PAX5: variants seen among roughly 807,000 people sequenced by gnomAD.
PAX5 encodes the protein paired box protein Pax-5.
PAX5 carries 9 observed loss-of-function variants against 43.7 expected under a neutral mutation model. The observed-to-expected ratio is 0.21, with a 90% CI of 0.12 to 0.36. The LOEUF (loss-of-function observed/expected upper bound fraction) is 0.36, where lower values mean the gene tolerates loss of function less well. Ranked by LOEUF, PAX5 falls within the 10% of genes least tolerant of loss-of-function variation. The pLI is 1.00. For synonymous variants in PAX5, 228 were observed against 214.3 expected (o/e 1.06, Z -0.56); for missense variants, 383 against 532.7 (o/e 0.72, Z 2.77).
At chr9:36,898,209 C>T (rs1389729147) in intron 7 of PAX5, among the ~76,000 whole-genome samples, 5 of 152,198 alleles carry the variant, frequency 3.3e-5, no homozygotes, top group Non-Finnish European at 7.4e-5. Context: ...ACGTGTAATC[C>T]AACTCAGCAC....
chr9:37,014,249 A>G (rs966737407), intron 3 of PAX5, among the ~76,000 whole-genome samples: 6 of 152,206 alleles, frequency 3.9e-5, no homozygotes, highest in Non-Finnish European at 1.5e-5. Context: ...ACTGGAAAGG[A>G]AAGGGAGCTG....
Position 36,834,959 on chromosome 9 carries a change from G to A in PAX5, c.*5601C>T, listed in dbSNP as rs374682363. ...TCACCCCCACCCTGCTGTTTCACCT[G>A]CTTCCCTCCCTGGGCCCCGATCAGC... On this transcript the variant is annotated 3_prime_UTR_variant, in exon 10 of 10. Transcript: ENST00000358127. 8.6e-6 allele frequency: 2 copies of A among 232,696 alleles called. No homozygotes were observed. Among genetic ancestry groups the A allele is most frequent in the Non-Finnish European group, 1.7e-5 (2 of 117,718 alleles). The allele number at this position is 232,696 out of a possible 1,614,324, so 14.4% of individuals were successfully genotyped here.
At chr9:37,021,579 G>T (rs1027171437) in intron 1 of PAX5, among the ~76,000 whole-genome samples, 1 of 152,088 alleles carries the variant, frequency 6.6e-6, no homozygotes, top group African/African-American at 2.4e-5. Context: ...TTTGGTCCAG[G>T]GAAAATAAAG....
rs555840011 is a variant in PAX5 at position 36,960,538 on chromosome 9, A to T, written c.780+6011T>A. The stretch of plus-strand genomic sequence containing the variant: ...TGGTGGGAAACCATGAGGAACTCTT[A>T]TAGGAGGTAGGCTTCAAGAAGAAAG... On this transcript the variant is annotated intron_variant, in intron 6 of 9. Coordinates refer to ENST00000358127, the MANE Select transcript of PAX5 (RefSeq NM_016734.3). 4.6e-5 allele frequency among the ~76,000 whole-genome samples: 7 copies of T among 152,314 alleles called. No individual in the cohort carries two copies. The East Asian group carries it at 1.2e-3, about 25-fold the overall frequency.
At chr9:36,845,951 C>T (rs1335763126) in intron 9 of PAX5, among the ~76,000 whole-genome samples, 1 of 152,176 alleles carries the variant, frequency 6.6e-6, no homozygotes, top group Non-Finnish European at 1.5e-5. Context: ...CATGTCTGAC[C>T]TTTTACTGCT....
chr9:36,941,682 TC>T (rs1003899393), intron 6 of PAX5, among the ~76,000 whole-genome samples: 3 of 151,380 alleles, frequency 2.0e-5, no homozygotes, highest in African/African-American at 7.3e-5. Flanking sequence ...TGTACCCACC[TC>T]AAGGCAATGC....
At chr9:36,939,844 C>T (rs1017764121) in intron 6 of PAX5, among the ~76,000 whole-genome samples, 47 of 152,264 alleles carry the variant, frequency 3.1e-4, no homozygotes, top group Admixed American at 2.5e-3. Flanking sequence ...CGCTCGCGTG[C>T]GGGTGCACGC....
intron 6 of PAX5, among the ~76,000 whole-genome samples, chr9:36,932,907 G>A (rs989702711): frequency 6.6e-6 from 1 of 151,972 alleles, no homozygotes; most frequent in African/African-American, 2.4e-5. Flanking sequence ...TGTAATTCCA[G>A]CACTTTGGGA....
At chr9:37,006,093 G>GA (rs1379738535) in intron 4 of PAX5, among the ~76,000 whole-genome samples, 1 of 152,040 alleles carries the variant, frequency 6.6e-6, no homozygotes, top group Non-Finnish European at 1.5e-5. Flanking sequence ...GTTGATAGAA[G>GA]AAAAAAACAC....
At chr9:36,957,023 C>CG (rs1554671736) in intron 6 of PAX5, among the ~76,000 whole-genome samples, 2 of 151,516 alleles carry the variant, frequency 1.3e-5, no homozygotes, top group African/African-American at 2.4e-5. Context: ...CCTTGTCCCC[C>CG]CCACTTCCAC....
chr9:36,993,051 T>C (rs2132337187), intron 5 of PAX5, among the ~76,000 whole-genome samples: 1 of 152,384 alleles, frequency 6.6e-6, no homozygotes, highest in South Asian at 2.1e-4. Flanking sequence ...GTGTGATTTG[T>C]CTTCTTCACT....
At position 36,837,978 on chromosome 9, in the gene PAX5, G is replaced by C. The variant is rs1389389105; in HGVS notation, c.*2582C>G. ...GGGTACACATCATTCCAAAAGAAGGGTGACAGGGGGCAGAGGCTCAAGAAG... is the reference window on the plus strand; with the variant it reads ...GGGTACACATCATTCCAAAAGAAGGCTGACAGGGGGCAGAGGCTCAAGAAG... On this transcript the variant is annotated 3_prime_UTR_variant, in exon 10 of 10. Transcript: ENST00000358127. 1 of 233,230 alleles carries C rather than the reference G, an allele frequency of 4.3e-6. No individual in the cohort carries two copies. The allele number at this position is 233,230 out of a possible 1,614,324, so 14.4% of individuals were successfully genotyped here. A position where few individuals can be genotyped will look rare whatever the true frequency, so the allele number is the denominator to read the frequency against.
At chr9:36,941,940 T>C (rs1487307859) in intron 6 of PAX5, among the ~76,000 whole-genome samples, 1 of 152,230 alleles carries the variant, frequency 6.6e-6, no homozygotes, top group Non-Finnish European at 1.5e-5. Flanking sequence ...AAAGAGCTTG[T>C]ACTTGAACTC....
At chr9:36,959,785 G>A (rs892991158) in intron 6 of PAX5, among the ~76,000 whole-genome samples, 29 of 152,218 alleles carry the variant, frequency 1.9e-4, no homozygotes, top group African/African-American at 6.8e-4. Flanking sequence ...TGCTGCAACT[G>A]GGGGGTACCC....
intron 6 of PAX5, among the ~76,000 whole-genome samples, chr9:36,959,090 C>G (rs1253651040): frequency 2.6e-5 from 4 of 152,216 alleles, no homozygotes; most frequent in Non-Finnish European, 4.4e-5. Flanking sequence ...CTTTGTCCAC[C>G]CTAGTGAGGA....
intron 3 of PAX5, 37 bp from the exon 4 acceptor site, chr9:37,006,574 T>C: frequency 1.3e-6 from 2 of 1,562,966 alleles, no homozygotes; most frequent in Non-Finnish European, 1.8e-6. Flanking sequence ...CTATTTACCA[T>C]CAGGAAGGAG....
At chr9:36,919,839 C>CAAAAAAAAA (rs61173333) in intron 7 of PAX5, among the ~76,000 whole-genome samples, 5 of 66,210 alleles carry the variant, frequency 7.6e-5, no homozygotes, top group Non-Finnish European at 1.1e-4. Context: ...GACTCTGTCT[C>CAAAAAAAAA]AAAAAAAAAA....
rs1283401661 is a variant in PAX5, at chr9:36,834,452, G to GTA, written c.*6107_*6108insTA. On this transcript the variant is annotated 3_prime_UTR_variant, in exon 10 of 10. Coordinates refer to ENST00000358127, the MANE Select transcript of PAX5 (RefSeq NM_016734.3). ...TGTGTGTGTGTGTGTGTGTGTGTGTGTTTACATGCTCGTGCACCTTATGGA... is the reference window on the plus strand; with the variant it reads ...TGTGTGTGTGTGTGTGTGTGTGTGTGTATTTACATGCTCGTGCACCTTATGGA... 2.6e-5 allele frequency: 6 copies of GTA among 230,214 alleles called. No individual in the cohort carries two copies. The highest frequency in any genetic ancestry group is 1.1e-4 in the African/African-American group (5 of 43,608). The allele number at this position is 230,214 out of a possible 1,614,324, so 14.3% of individuals were successfully genotyped here. A position where few individuals can be genotyped will look rare whatever the true frequency, so the allele number is the denominator to read the frequency against.
At chr9:36,985,444 C>T (rs944961187) in intron 5 of PAX5, among the ~76,000 whole-genome samples, 26 of 152,184 alleles carry the variant, frequency 1.7e-4, no homozygotes, top group African/African-American at 7.2e-5. Flanking sequence ...AGCAAGAGAT[C>T]GCAAAGAAGA....
Sources: gnomAD v4.1 joint callset for allele counts (sites outside exome capture counted in the v4.1 genomes callset) on GRCh38, gnomAD v4.1.1 for gene constraint, MANE v1.5 for transcripts, NCBI Gene and HGNC (gene_info 2026-07-23, HGNC 2026-07-21) for gene names.